The following ARAP2 variants were observed in gnomAD, a reference collection of about 807,000 sequenced individuals.
The protein encoded by ARAP2 is arf-GAP with Rho-GAP domain, ANK repeat and PH domain-containing protein 2.
Under a neutral mutation model 194.5 loss-of-function variants are expected in ARAP2, and 148 were observed. That is an observed-to-expected ratio of 0.76 (90% CI 0.67 to 0.87). The LOEUF (loss-of-function observed/expected upper bound fraction) is 0.87, where lower values mean the gene tolerates loss of function less well. Among genes scored for constraint, ARAP2 ranks in the 40% least tolerant of loss-of-function variants. ARAP2 has a pLI of 0.00. For synonymous variants in ARAP2, 695 were observed against 683.5 expected, an observed-to-expected ratio of 1.02 and a Z score of -0.26; for missense variants, 2,128 against 1,989.7, an observed-to-expected ratio of 1.07 and a Z score of -1.32.
chr4:36,212,596 A>C, intron 4 of ARAP2, 109 bp from the exon 5 acceptor site: 1 of 642,476 alleles, frequency 1.6e-6, no homozygotes, highest in Non-Finnish European at 2.6e-6. Flanking sequence ...ATCTGAGTTT[A>C]GTTTTATTAA....
At chr4:36,148,057 A>G (rs1219961551) in intron 17 of ARAP2, among the ~76,000 whole-genome samples, 1 of 152,086 alleles carries the variant, frequency 6.6e-6, no homozygotes, top group African/African-American at 2.4e-5. Context: ...CCATTTATAT[A>G]TTTTCCTGAA....
In ARAP2 at chr4:36,087,701, C is replaced by A. The variant is rs16991911; in HGVS notation, c.4425+4180G>T. ...AGCTTGAGAGAAAACACTATAAAAACTGAACTGTTTGCATTTCCTTATTTA... is the reference window on the plus strand; with the variant it reads ...AGCTTGAGAGAAAACACTATAAAAAATGAACTGTTTGCATTTCCTTATTTA... On this transcript the variant is annotated intron_variant, in intron 28 of 32. Transcript: ENST00000303965. Among the ~76,000 whole-genome samples, 1,107 of 152,194 alleles carry A rather than the reference C, an allele frequency of 7.3e-3. 18 individuals carry two copies. The highest frequency in any genetic ancestry group is 0.025 in the African/African-American group (1,038 of 41,544).
chr4:36,083,304 ATCCTT>A, intron 29 of ARAP2, 59 bp downstream of exon 29: 1 of 1,217,574 alleles, frequency 8.2e-7, no homozygotes, highest in Non-Finnish European at 1.2e-6. Flanking sequence ...TGATCCCTAA[ATCCTT>A]AAATAGACAT....
chr4:36,019,885 G>A (rs923311284), intron 5 of ARAP2, among the ~76,000 whole-genome samples: 4 of 152,052 alleles, frequency 2.6e-5, no homozygotes, highest in Non-Finnish European at 4.4e-5. Context: ...ATGCAAGAGA[G>A]CTATCTTCCA....
chr4:36,064,552 T>C (rs1460594717), downstream of ARAP2, among the ~76,000 whole-genome samples: 2 of 152,162 alleles, frequency 1.3e-5, no homozygotes, highest in South Asian at 2.1e-4. Flanking sequence ...TGGTGAGAGA[T>C]TGAAGGGTGG....
chr4:36,064,480 G>A (rs1725058176), downstream of ARAP2, among the ~76,000 whole-genome samples: 1 of 152,238 alleles, frequency 6.6e-6, no homozygotes, highest in Non-Finnish European at 1.5e-5. Context: ...TGCAGGTAGT[G>A]AATGGGGTGG....
At chr4:36,023,835 T>G (rs1717428643) in intron 5 of ARAP2, among the ~76,000 whole-genome samples, 2 of 152,128 alleles carry the variant, frequency 1.3e-5, no homozygotes, top group South Asian at 4.1e-4. Flanking sequence ...TGTAATAAAC[T>G]TGAAGAGTGC....
At chr4:36,216,513 T>C (rs573270935) in intron 2 of ARAP2, among the ~76,000 whole-genome samples, 1 of 152,220 alleles carries the variant, frequency 6.6e-6, no homozygotes. Context: ...TTGTATTTTC[T>C]TATAAAAATA....
chr4:36,163,030 G>A (rs1474485621), intron 11 of ARAP2, among the ~76,000 whole-genome samples: 1 of 152,142 alleles, frequency 6.6e-6, no homozygotes, highest in African/African-American at 2.4e-5. Flanking sequence ...TTTTTGACAT[G>A]TTACATTTGA....
chr4:36,243,383 C>CAAAAAAAAAAAA (rs71201008), intron 1 of ARAP2, among the ~76,000 whole-genome samples: 1 of 85,112 alleles, frequency 1.2e-5, no homozygotes. Context: ...GACAAGCTTG[C>CAAAAAAAAAAAA]AAAAAAAAAA....
At chr4:36,106,485 CAG>C (rs1718445877) in intron 27 of ARAP2, among the ~76,000 whole-genome samples, 1 of 151,270 alleles carries the variant, frequency 6.6e-6, no homozygotes, top group African/African-American at 2.4e-5. Context: ...ATATAAAAGA[CAG>C]TGTATTAAAT....
Position 36,244,414 on chromosome 4 carries a change from G to T in ARAP2, c.-395C>A, listed in dbSNP as rs1382725043. 6.7e-6 allele frequency: 1 copy of T among 150,106 alleles called. No homozygotes were observed. Among genetic ancestry groups the T allele is most frequent in the Non-Finnish European group, 1.5e-5 (1 of 67,246 alleles). 9.3% of individuals were successfully genotyped at this position (150,106 alleles called of 1,614,324 possible). A position where few individuals can be genotyped will look rare whatever the true frequency, so the allele number is the denominator to read the frequency against. On this transcript the variant is annotated 5_prime_UTR_variant, in exon 1 of 33. Coordinates refer to ENST00000303965, the MANE Select transcript of ARAP2 (RefSeq NM_015230.4). ...CGCGGCCGCCGCACCTGGAGGCGGG[G>T]AGCGCGGGCCGCGGACCCGCGCTCA...
chr4:36,041,686 G>T (rs1378945966), intron 5 of ARAP2, among the ~76,000 whole-genome samples: 2 of 152,152 alleles, frequency 1.3e-5, no homozygotes, highest in Non-Finnish European at 2.9e-5. Context: ...TATACTCAGA[G>T]AAATATAAAT....
In ARAP2 at chr4:36,068,271, C is replaced by A; in HGVS notation, c.4751G>T (p.Arg1584Ile). The change falls in exon 33 of 33, where the codon AGA becomes ATA. Residue 1584 changes from arginine to isoleucine, a missense_variant. Coordinates refer to ENST00000303965, the MANE Select transcript of ARAP2 (RefSeq NM_015230.4). Reference protein sequence around the residue: ...TLARKNIESARAELERLRLSE... With the variant: ...TLARKNIESAIAELERLRLSE... The stretch of plus-strand genomic sequence containing the variant: ...GAGCCGCAGCCTTTCAAGTTCTGCT[C>A]TTGCACTCTAAAAATAAAATTAAAT... 1 of 1,527,626 alleles carries A rather than the reference C, an allele frequency of 6.5e-7. No individual in the cohort carries two copies. Among genetic ancestry groups the A allele is most frequent in the Non-Finnish European group, 8.8e-7 (1 of 1,139,652 alleles). 94.6% of individuals were successfully genotyped at this position (1,527,626 alleles called of 1,614,324 possible).
intron 9 of ARAP2, among the ~76,000 whole-genome samples, chr4:36,169,014 T>C (rs1226545757): frequency 6.6e-6 from 1 of 152,210 alleles, no homozygotes; most frequent in Non-Finnish European, 1.5e-5. Flanking sequence ...CTGGATGACA[T>C]ACCCGTTGGA....
At chr4:36,133,125 T>C in intron 20 of ARAP2, 101 bp downstream of exon 20, 2 of 1,141,642 alleles carry the variant, frequency 1.8e-6, no homozygotes, top group Non-Finnish European at 2.4e-6. Flanking sequence ...TACTTACAAA[T>C]ATAAAGGGTT....
At chr4:36,050,831 T>A (rs1182920290) in intron 3 of ARAP2, among the ~76,000 whole-genome samples, 1 of 152,232 alleles carries the variant, frequency 6.6e-6, no homozygotes, top group East Asian at 1.9e-4. Context: ...TTTGATGTGA[T>A]ATTCCAGCGC....
rs1471201557 is a variant in ARAP2, at chr4:36,212,500, C to A, written c.1042-13G>T. 3.8e-6 allele frequency: 6 copies of A among 1,595,742 alleles called. No homozygotes were observed. The highest frequency in any genetic ancestry group is 4.3e-6 in the Non-Finnish European group (5 of 1,166,264). On this transcript the variant is annotated splice_polypyrimidine_tract_variant and intron_variant, in intron 4 of 32. Transcript: ENST00000303965. ...TTATAGATCGCTTCTATTAAAAAAGCAAACAAACAAAAAACACATACTGTT... is the reference window on the plus strand; with the variant it reads ...TTATAGATCGCTTCTATTAAAAAAGAAAACAAACAAAAAACACATACTGTT...
At chr4:36,119,120 C>T (rs1294369898) in intron 24 of ARAP2, among the ~76,000 whole-genome samples, 1 of 151,254 alleles carries the variant, frequency 6.6e-6, no homozygotes, top group Non-Finnish European at 1.5e-5. Flanking sequence ...CACAAAAATC[C>T]AGTATAATGT....
Sources: gnomAD v4.1 joint callset for allele counts (sites outside exome capture counted in the v4.1 genomes callset) on GRCh38, gnomAD v4.1.1 for gene constraint, MANE v1.5 for transcripts, NCBI Gene and HGNC (gene_info 2026-07-23, HGNC 2026-07-21) for gene names.